LINGO2: variants seen among roughly 807,000 people sequenced by gnomAD.
LINGO2 encodes the protein leucine-rich repeat and immunoglobulin-like domain-containing nogo receptor-interacting protein 2.
In LINGO2, 14 loss-of-function variants were observed where a neutral mutation model predicts 30.6. The observed-to-expected ratio is 0.46, with a 90% CI of 0.30 to 0.72. The LOEUF (loss-of-function observed/expected upper bound fraction) is 0.72, where lower values mean the gene tolerates loss of function less well. Among genes scored for constraint, LINGO2 ranks in the 30% least tolerant of loss-of-function variants. The probability of loss-of-function intolerance (pLI) is 0.07; values close to 1 mark genes in which losing one functional copy is unlikely to be tolerated. For missense variants in LINGO2, 729 were observed against 751.7 expected, an observed-to-expected ratio of 0.97 and a Z score of 0.35; for synonymous variants, 317 against 288.5, an observed-to-expected ratio of 1.10 and a Z score of -1.00.
At chr9:28,193,048 T>C (rs980650713) in intron 4 of LINGO2, among the ~76,000 whole-genome samples, 1 of 152,166 alleles carries the variant, frequency 6.6e-6, no homozygotes, top group African/African-American at 2.4e-5. Flanking sequence ...GTTACTGACA[T>C]AGTACAAATT....
chr9:29,051,482 C>A, the LINGO2 span, among the ~76,000 whole-genome samples: 1 of 152,044 alleles, frequency 6.6e-6, no homozygotes, highest in South Asian at 2.1e-4. Flanking sequence ...AATTAAATGT[C>A]TTTTTAATTT....
At chr9:28,044,958 G>T (rs770739948) in intron 4 of LINGO2, among the ~76,000 whole-genome samples, 14 of 152,156 alleles carry the variant, frequency 9.2e-5, no homozygotes, top group Admixed American at 2.0e-4. Context: ...TTAGACAGAC[G>T]AGCAGAAAAC....
At chr9:28,674,198 A>T (rs189976011), upstream of LINGO2, among the ~76,000 whole-genome samples, 201 of 152,286 alleles carry the variant, frequency 1.3e-3, no homozygotes, top group African/African-American at 4.7e-3. Context: ...CCTAACTTCA[A>T]GGCTAGGAAT....
At chr9:28,342,222 CTG>C (rs778689504) in intron 3 of LINGO2, among the ~76,000 whole-genome samples, 3 of 152,138 alleles carry the variant, frequency 2.0e-5, no homozygotes, top group East Asian at 3.9e-4. Flanking sequence ...CTTTTGCCTG[CTG>C]TGTTTCAACC....
chr9:28,496,779 T>C (rs570591128), intron 1 of LINGO2, among the ~76,000 whole-genome samples: 2 of 152,334 alleles, frequency 1.3e-5, no homozygotes, highest in Non-Finnish European at 2.9e-5. Flanking sequence ...TTTGGCATGT[T>C]TTTGCAGTGG....
At chr9:28,785,527 C>T in the LINGO2 span, among the ~76,000 whole-genome samples, 2 of 152,158 alleles carry the variant, frequency 1.3e-5, no homozygotes, top group Non-Finnish European at 2.9e-5. Flanking sequence ...AGACTGTAAG[C>T]TCTGTGAGAA....
chr9:28,420,638 AG>A (rs1426657825), intron 2 of LINGO2, among the ~76,000 whole-genome samples: 1 of 152,094 alleles, frequency 6.6e-6, no homozygotes, highest in Non-Finnish European at 1.5e-5. Flanking sequence ...TACAGGTCAC[AG>A]GGCTGAACTA....
chr9:28,352,511 G>C lies in LINGO2; in HGVS notation c.-246+20325C>G, dbSNP rs56878677. On this transcript the variant is annotated intron_variant, in intron 3 of 5. Transcript: ENST00000379992. Reference sequence around the variant, plus strand: ...TCAAGGAAATAAAAGAGGATACAAAGAAATGGAAGAACATTCCATGCTCAT... The same window carrying C: ...TCAAGGAAATAAAAGAGGATACAAACAAATGGAAGAACATTCCATGCTCAT... 9.2e-4 allele frequency among the ~76,000 whole-genome samples: 114 copies of C among 123,948 alleles called. No individual in the cohort carries two copies. The East Asian group carries it at 0.019, about 21-fold the overall frequency. 81.3% of individuals were successfully genotyped at this position (123,948 alleles called of 152,430 possible).
the LINGO2 span, among the ~76,000 whole-genome samples, chr9:28,689,916 G>A: frequency 6.6e-6 from 1 of 152,084 alleles, no homozygotes; most frequent in East Asian, 1.9e-4. Flanking sequence ...CACATCCTTT[G>A]TAGGAATCCA....
At chr9:28,359,043 C>T (rs183186247) in intron 3 of LINGO2, among the ~76,000 whole-genome samples, 56 of 152,186 alleles carry the variant, frequency 3.7e-4, no homozygotes, top group African/African-American at 6.3e-4. Flanking sequence ...AATTTCCTTG[C>T]GCAAGATGCC....
At chr9:28,545,358 G>A (rs1043136411) in intron 1 of LINGO2, among the ~76,000 whole-genome samples, 3 of 152,020 alleles carry the variant, frequency 2.0e-5, no homozygotes, top group African/African-American at 7.2e-5. Flanking sequence ...TCTACCTAAA[G>A]ACATTTCTGT....
the LINGO2 span, among the ~76,000 whole-genome samples, chr9:28,934,474 G>A: frequency 6.6e-5 from 10 of 152,122 alleles, no homozygotes; most frequent in Admixed American, 2.6e-4. Context: ...AAGGGCTTAT[G>A]TCTTTTCCAT....
chr9:28,627,025 AT>A (rs888031595), intron 1 of LINGO2, among the ~76,000 whole-genome samples: 8 of 151,222 alleles, frequency 5.3e-5, no homozygotes, highest in African/African-American at 9.7e-5. Context: ...ATTTCTAGTA[AT>A]TTTTTTTAAC....
At chr9:28,755,153 C>T in the LINGO2 span, among the ~76,000 whole-genome samples, 2 of 151,858 alleles carry the variant, frequency 1.3e-5, no homozygotes, top group Non-Finnish European at 2.9e-5. Context: ...TAAGTCAAAC[C>T]GACTTTTATA....
intron 4 of LINGO2, among the ~76,000 whole-genome samples, chr9:28,156,762 GA>G (rs1828142505): frequency 6.6e-6 from 1 of 152,238 alleles, no homozygotes; most frequent in Admixed American, 6.5e-5. Flanking sequence ...CTAAATGGGA[GA>G]AATTGGCCAA....
chr9:28,212,127 T>C (rs760539989), intron 4 of LINGO2, among the ~76,000 whole-genome samples: 16 of 151,486 alleles, frequency 1.1e-4, no homozygotes, highest in Non-Finnish European at 2.2e-4. Context: ...TTGAGCTTTG[T>C]CTTTCCATCT....
chr9:28,997,215 G>T, the LINGO2 span, among the ~76,000 whole-genome samples: 6 of 151,662 alleles, frequency 4.0e-5, no homozygotes, highest in African/African-American at 1.5e-4. Context: ...GACTGCTTGA[G>T]GCCAGGAGTT....
chr9:29,161,789 T>C, the LINGO2 span, among the ~76,000 whole-genome samples: 1 of 152,186 alleles, frequency 6.6e-6, no homozygotes, highest in African/African-American at 2.4e-5. Context: ...AGCCACTATA[T>C]AGTAACAATA....
intron 1 of LINGO2, among the ~76,000 whole-genome samples, chr9:28,639,552 C>T (rs1351268756): frequency 1.3e-5 from 2 of 152,054 alleles, no homozygotes; most frequent in African/African-American, 2.4e-5. Context: ...TCTTGTTGAA[C>T]TGATCCCTTT....
Sources: allele counts gnomAD v4.1 joint callset (sites outside exome capture counted in the v4.1 genomes callset), GRCh38; gene constraint gnomAD v4.1.1; transcripts MANE v1.5; gene names NCBI Gene and HGNC (gene_info 2026-07-23, HGNC 2026-07-21).